WAPL: variants seen among roughly 807,000 people sequenced by gnomAD.
WAPL encodes the protein WAPL cohesin release factor.
In WAPL, 5 loss-of-function variants were observed where a neutral mutation model predicts 121.0. That is an observed-to-expected ratio of 0.04 (90% CI 0.02 to 0.09). The LOEUF is 0.09. Among genes scored for constraint, WAPL ranks in the 10% least tolerant of loss-of-function variants. The probability of loss-of-function intolerance (pLI) is 1.00; values close to 1 mark genes in which losing one functional copy is unlikely to be tolerated. For synonymous variants in WAPL, 480 were observed against 481.5 expected (o/e 1.00, Z 0.04); for missense variants, 999 against 1,410.8 (o/e 0.71, Z 4.68).
chr10:86,502,142 A>G (rs981837205), intron 2 of WAPL, among the ~76,000 whole-genome samples: 2 of 152,398 alleles, frequency 1.3e-5, no homozygotes, highest in East Asian at 1.9e-4. Flanking sequence ...ACAAAATTAC[A>G]TAAGTAACAA....
intron 12 of WAPL, among the ~76,000 whole-genome samples, chr10:86,455,047 G>A (rs1234219529): frequency 2.1e-5 from 3 of 145,772 alleles, no homozygotes; most frequent in African/African-American, 5.1e-5. Flanking sequence ...CCGGCCAGCC[G>A]CCCCGTCCGG....
chr10:86,464,159 A>G (rs1251094553), intron 9 of WAPL, among the ~76,000 whole-genome samples: 1 of 152,246 alleles, frequency 6.6e-6, no homozygotes, highest in African/African-American at 2.4e-5. Flanking sequence ...TTCATTGTAC[A>G]AAACAACACA....
At chr10:86,486,151 A>C (rs527696336) in intron 4 of WAPL, among the ~76,000 whole-genome samples, 21 of 152,340 alleles carry the variant, frequency 1.4e-4, no homozygotes, top group South Asian at 8.3e-4. Context: ...TGGATCTCAC[A>C]ATACCACATG....
chr10:86,445,591 C>G (rs1849596137), intron 16 of WAPL, among the ~76,000 whole-genome samples: 1 of 151,896 alleles, frequency 6.6e-6, no homozygotes. Flanking sequence ...GTGGCACAAT[C>G]ATAGCTCACT....
At chr10:86,437,748 TAA>T (rs1209941171) in intron 18 of WAPL, 140 bp from the exon 19 acceptor site, 11 of 1,062,062 alleles carry the variant, frequency 1.0e-5, no homozygotes, top group African/African-American at 9.7e-5. Context: ...GTGGGTTTGA[TAA>T]AGTTATTTGC....
At position 86,457,588 on chromosome 10, in the gene WAPL, G is replaced by T. The variant is rs1367911182; in HGVS notation, c.2657+1401C>A. 6.6e-5 allele frequency among the ~76,000 whole-genome samples: 10 copies of T among 151,990 alleles called. No individual in the cohort carries two copies. The East Asian group carries it at 1.9e-3, about 29-fold the overall frequency. On this transcript the variant is annotated intron_variant, in intron 12 of 18. Coordinates refer to ENST00000298767, the MANE Select transcript of WAPL (RefSeq NM_015045.5). ...GAATCATGTGAATCCAGAAGGCAGA[G>T]GTTGCAGTGAGCCGAGATCATGCCA...
intron 16 of WAPL, among the ~76,000 whole-genome samples, chr10:86,444,294 T>G (rs950737416): frequency 6.6e-6 from 1 of 152,202 alleles, no homozygotes; most frequent in Non-Finnish European, 1.5e-5. Flanking sequence ...GGCATTTTCT[T>G]AGAATGTTAA....
chr10:86,477,026 T>C (rs1364262397), intron 4 of WAPL, among the ~76,000 whole-genome samples: 1 of 152,212 alleles, frequency 6.6e-6, no homozygotes, highest in Non-Finnish European at 1.5e-5. Context: ...TAATAAGCAA[T>C]CTAAAGGGAA....
intron 2 of WAPL, among the ~76,000 whole-genome samples, chr10:86,516,764 T>A (rs890346745): frequency 2.0e-5 from 3 of 152,146 alleles, no homozygotes; most frequent in Admixed American, 6.6e-5. Context: ...TTAACATTTT[T>A]AAAATACAAC....
At chr10:86,489,712 C>A (rs922406097) in intron 4 of WAPL, among the ~76,000 whole-genome samples, 9 of 152,014 alleles carry the variant, frequency 5.9e-5, no homozygotes, top group South Asian at 2.1e-4. Context: ...AGTGCTCAGG[C>A]TGAAAAACTG....
At chr10:86,451,524 C>A (rs776894346) in intron 15 of WAPL, among the ~76,000 whole-genome samples, 1 of 151,928 alleles carries the variant, frequency 6.6e-6, no homozygotes, top group Non-Finnish European at 1.5e-5. Context: ...TCCTGAGTAG[C>A]TGGGATTACA....
chr10:86,453,117 C>G lies in WAPL; in HGVS notation c.2949+103G>C. The G allele has an allele frequency of 3.5e-6, 2 of 572,688 alleles. 1 individual carries two copies. The highest frequency in any genetic ancestry group is 5.4e-5 in the South Asian group (2 of 37,302). The allele number at this position is 572,688 out of a possible 1,614,324, so 35.5% of individuals were successfully genotyped here. On this transcript the variant is annotated intron_variant, in intron 14 of 18. Coordinates refer to ENST00000298767, the MANE Select transcript of WAPL (RefSeq NM_015045.5). Reference sequence around the variant, plus strand: ...ATAAGGAAATTCATGAAAAAAAACCCACAATATATTAAAGGGTTGGTTCTT... The same window carrying G: ...ATAAGGAAATTCATGAAAAAAAACCGACAATATATTAAAGGGTTGGTTCTT...
Position 86,472,416 on chromosome 10 carries a change from CT to C in WAPL, c.1894-73del. 1.9e-6 allele frequency: 3 copies of C among 1,554,714 alleles called. No individual in the cohort carries two copies. The highest frequency in any genetic ancestry group is 2.6e-6 in the Non-Finnish European group (3 of 1,156,872). On this transcript the variant is annotated intron_variant, in intron 6 of 18. Coordinates refer to ENST00000298767, the MANE Select transcript of WAPL (RefSeq NM_015045.5). The surrounding 1 kb of genome is among the most constrained non-coding windows in gnomAD (Gnocchi z 4.2). ...TATTTAAATCTATGGGCTCACTGTA[CT>C]TTACATAAGTGCATAAAATAGTTCA...
intron 3 of WAPL, among the ~76,000 whole-genome samples, chr10:86,498,517 T>A (rs1476681943): frequency 6.6e-6 from 1 of 152,110 alleles, no homozygotes; most frequent in Non-Finnish European, 1.5e-5. Flanking sequence ...TGGTAGGTAA[T>A]CTCAAGAATG....
intron 8 of WAPL, among the ~76,000 whole-genome samples, 170 bp from the exon 9 acceptor site, chr10:86,467,676 ATT>A (rs758088662): frequency 9.8e-5 from 14 of 143,498 alleles, no homozygotes; most frequent in Admixed American, 7.0e-5. Context: ...CCTCTAAAAA[ATT>A]TTTTTTTTTT....
intron 9 of WAPL, among the ~76,000 whole-genome samples, chr10:86,463,604 A>T (rs1201284288): frequency 6.6e-6 from 1 of 152,252 alleles, no homozygotes; most frequent in Non-Finnish European, 1.5e-5. Context: ...AAGTGTTATT[A>T]AAAAAGAGTC....
intron 4 of WAPL, among the ~76,000 whole-genome samples, chr10:86,496,973 A>G (rs905766616): frequency 3.9e-5 from 6 of 152,218 alleles, no homozygotes; most frequent in Admixed American, 3.9e-4. Context: ...TGATGGTTAC[A>G]TAACACCGTG....
Position 86,437,308 on chromosome 10 carries a change from G to T in WAPL, c.*235C>A, listed in dbSNP as rs764472779. ...ATGTATTTAAATACTGCATGGAATT[G>T]TTAACAGCCTGAACCTTTTCCCCTC... On this transcript the variant is annotated 3_prime_UTR_variant, in exon 19 of 19. Coordinates refer to ENST00000298767, the MANE Select transcript of WAPL (RefSeq NM_015045.5). The T allele has an allele frequency of 4.0e-6, 2 of 496,014 alleles. No homozygotes were observed. The highest frequency in any genetic ancestry group is 7.1e-6 in the Non-Finnish European group (2 of 282,222). The allele number at this position is 496,014 out of a possible 1,614,324, so 30.7% of individuals were successfully genotyped here. A position where few individuals can be genotyped will look rare whatever the true frequency, so the allele number is the denominator to read the frequency against.
rs1842682582 is a variant in WAPL at position 86,521,601 on chromosome 10, C to G, written c.-259G>C. ...GCCGGCCGGGCCCAGGCCTAGCTCT[C>G]GCTGGCCGCCACTGCTGGAGCTGGT... On this transcript the variant is annotated 5_prime_UTR_variant, in exon 1 of 19. Transcript: ENST00000298767. 2 of 453,450 alleles carry G rather than the reference C, an allele frequency of 4.4e-6. No individual in the cohort carries two copies. Among genetic ancestry groups the G allele is most frequent in the Middle Eastern group, 4.7e-4 (1 of 2,150 alleles). The allele number at this position is 453,450 out of a possible 1,614,324, so 28.1% of individuals were successfully genotyped here.
Sources: allele counts gnomAD v4.1 joint callset (sites outside exome capture counted in the v4.1 genomes callset), GRCh38; gene constraint gnomAD v4.1.1; non-coding constraint Gnocchi (gnomAD v3.1); transcripts MANE v1.5; gene names NCBI Gene and HGNC (gene_info 2026-07-23, HGNC 2026-07-21).